The following HEMK1 variants were observed in gnomAD, a reference collection of about 807,000 sequenced individuals.
HEMK1 encodes HemK methyltransferase 1, mitochondrial release factors N(5)-glutamine.
A neutral mutation model predicts 47.9 loss-of-function variants in HEMK1; 36 were observed. The observed-to-expected ratio is 0.75, with a 90% CI of 0.58 to 0.99. The LOEUF is 0.99. Among genes scored for constraint, HEMK1 ranks in the 50% least tolerant of loss-of-function variants. The pLI, the probability that HEMK1 is intolerant of heterozygous loss-of-function variation, is 0.00. For missense variants in HEMK1, 383 were observed against 434.5 expected (o/e 0.88, Z 1.05); for synonymous variants, 153 against 165.4 (o/e 0.93, Z 0.57).
chr3:50,580,161 C>T lies in HEMK1; in HGVS notation c.912C>T (p.Ser304=), dbSNP rs2030571545. The T allele has an allele frequency of 6.2e-7, 1 of 1,614,158 alleles. No homozygotes were observed. The highest frequency in any genetic ancestry group is 1.3e-5 in the African/African-American group (1 of 75,046). ...EVDPRHPELV[S]SWLQSRPDLY... Reference sequence around the variant, plus strand: ...ACCCAAGGCACCCGGAGCTTGTCAGCAGCTGGCTTCAGAGCCGGCCTGACC... The same window carrying T: ...ACCCAAGGCACCCGGAGCTTGTCAGTAGCTGGCTTCAGAGCCGGCCTGACC... Residue 304 remains serine (S), a synonymous_variant, in exon 10 of 11, where the codon AGC becomes AGT. Coordinates refer to ENST00000232854, the MANE Select transcript of HEMK1 (RefSeq NM_016173.5).
At chr3:50,571,463 C>T (rs940691464) in intron 2 of HEMK1, 131 bp downstream of exon 2, 15 of 712,508 alleles carry the variant, frequency 2.1e-5, no homozygotes, top group African/African-American at 1.4e-4. Flanking sequence ...AACGTCTTAG[C>T]GCCTGGCACA....
At position 50,580,718 on chromosome 3, in the gene HEMK1, C is replaced by T; in HGVS notation, c.*301C>T. ...TGTCCATGACTTGCAGGTCCCCTGA[C>T]CCCCTTACTCCCAGGTAGCACTGGG... On this transcript the variant is annotated 3_prime_UTR_variant, in exon 11 of 11. Transcript: ENST00000232854. 1 of 457,336 alleles carries T rather than the reference C, an allele frequency of 2.2e-6. No individual in the cohort carries two copies. Among genetic ancestry groups the T allele is most frequent in the Non-Finnish European group, 3.9e-6 (1 of 253,350 alleles). 28.3% of individuals were successfully genotyped at this position (457,336 alleles called of 1,614,324 possible).
rs186356018 is a variant in HEMK1, at chr3:50,583,642, C to G, written c.*3225C>G. On this transcript the variant is annotated 3_prime_UTR_variant, in exon 11 of 11. Transcript: ENST00000232854. The stretch of plus-strand genomic sequence containing the variant: ...TCGATTCTTTTCTCTTTTTTTTCTT[C>G]ATTGGCTCCTTCTTAGTGGATTCTC... The G allele has an allele frequency of 5.3e-5, 8 of 152,282 alleles. No homozygotes were observed. In the East Asian group the frequency reaches 1.5e-3, roughly 29 times the overall value. The allele number at this position is 152,282 out of a possible 1,614,324, so 9.4% of individuals were successfully genotyped here. A position where few individuals can be genotyped will look rare whatever the true frequency, so the allele number is the denominator to read the frequency against.
intron 4 of HEMK1, among the ~76,000 whole-genome samples, chr3:50,576,698 C>T (rs138603941): frequency 2.6e-5 from 4 of 152,218 alleles, no homozygotes; most frequent in African/African-American, 7.2e-5. Flanking sequence ...CATGAGCCAC[C>T]GTGCCCAGCC....
At chr3:50,569,922 CCTGCTTGAACTGGGTTCAAG>C (rs1158851074) in intron 1 of HEMK1, 1 of 152,132 alleles carries the variant, frequency 6.6e-6, no homozygotes, top group Admixed American at 6.5e-5. Flanking sequence ...GCAACTTCCG[CCTGCTTGAACTGGGTTCAAG>C]CAGTTCTCCT....
intron 4 of HEMK1, among the ~76,000 whole-genome samples, chr3:50,575,693 A>G (rs1459003729): frequency 6.6e-6 from 1 of 152,136 alleles, no homozygotes. Flanking sequence ...GCTGCCCACC[A>G]TCCCCAGCTC....
chr3:50,581,551 A>G lies in HEMK1; in HGVS notation c.*1134A>G, dbSNP rs2030810754. ...GGGACCTTGGGCAACTCCTTTCCCT[A>G]TGAGAAGCTGGCTCTTCTGAGTCCA... On this transcript the variant is annotated 3_prime_UTR_variant, in exon 11 of 11. Coordinates refer to ENST00000232854, the MANE Select transcript of HEMK1 (RefSeq NM_016173.5). The G allele has an allele frequency of 6.6e-6, 1 of 152,400 alleles. No individual in the cohort carries two copies. Among genetic ancestry groups the G allele is most frequent in the East Asian group, 1.9e-4 (1 of 5,188 alleles). 9.4% of individuals were successfully genotyped at this position (152,400 alleles called of 1,614,324 possible).
intron 7 of HEMK1, among the ~76,000 whole-genome samples, 175 bp downstream of exon 7, chr3:50,578,050 G>A (rs2030024313): frequency 6.6e-6 from 1 of 152,140 alleles, no homozygotes; most frequent in Admixed American, 6.5e-5. Flanking sequence ...ACGAAGCCTT[G>A]GCTGAGGACA....
chr3:50,576,398 G>A (rs1188052999), intron 4 of HEMK1, among the ~76,000 whole-genome samples: 3 of 152,166 alleles, frequency 2.0e-5, no homozygotes, highest in Non-Finnish European at 4.4e-5. Context: ...ATCAGGTATG[G>A]TTCTTAGCTT....
At position 50,580,561 on chromosome 3, in the gene HEMK1, G is replaced by T. The variant is rs2030666649; in HGVS notation, c.*144G>T. On this transcript the variant is annotated 3_prime_UTR_variant, in exon 11 of 11. Transcript: ENST00000232854. ...CTCTGCATTTCTAGGATATTTCTAG[G>T]ACACCTGGATTGGCTCCATCACATC... The T allele has an allele frequency of 2.4e-6, 2 of 846,752 alleles. No homozygotes were observed. The allele number at this position is 846,752 out of a possible 1,614,324, so 52.5% of individuals were successfully genotyped here.
At chr3:50,569,852 T>C (rs1406774044) in intron 1 of HEMK1, 1 of 152,128 alleles carries the variant, frequency 6.6e-6, no homozygotes, top group Non-Finnish European at 1.5e-5. Context: ...TTCTTTTTTT[T>C]GAGACGGAGT....
At chr3:50,572,318 C>A in intron 4 of HEMK1, 110 bp downstream of exon 4, 1 of 1,106,168 alleles carries the variant, frequency 9.0e-7, no homozygotes, top group Non-Finnish European at 1.3e-6. Context: ...ACTTCAGGGA[C>A]AGTGCCTTTC....
intron 4 of HEMK1, among the ~76,000 whole-genome samples, chr3:50,576,633 C>T (rs887190919): frequency 1.3e-5 from 2 of 152,218 alleles, no homozygotes; most frequent in African/African-American, 4.8e-5. Flanking sequence ...TGGTCTCAAA[C>T]TCCAAACTCA....
intron 8 of HEMK1, 30 bp from the exon 9 acceptor site, chr3:50,579,814 G>A: frequency 6.5e-7 from 1 of 1,542,070 alleles, no homozygotes; most frequent in South Asian, 1.1e-5. Context: ...CCTTTCTCAG[G>A]CTGTCACCTC....
rs1701047409 is a variant in HEMK1, at chr3:50,572,106, C to G, written c.321-9C>G. On this transcript the variant is annotated splice_polypyrimidine_tract_variant and intron_variant, in intron 3 of 10. Transcript: ENST00000232854. ...GTCCCTGATGACCACCCAGCTGCCC[C>G]CTCTGCAGGATGCCGGTGCAGTACA... 6.2e-7 allele frequency: 1 copy of G among 1,613,846 alleles called. No individual in the cohort carries two copies. Among genetic ancestry groups the G allele is most frequent in the South Asian group, 1.1e-5 (1 of 91,048 alleles).
rs1276624820 is a variant in HEMK1 at position 50,579,854 on chromosome 3, C to A, written c.781C>A (p.Pro261Thr). The A allele has an allele frequency of 1.9e-5, 31 of 1,613,212 alleles. No individual in the cohort carries two copies. Among genetic ancestry groups the A allele is most frequent in the East Asian group, 4.5e-5 (2 of 44,876 alleles). The change falls in exon 9 of 11, where the codon CCC (proline) becomes ACC (threonine). Residue 261 changes from proline to threonine, a missense_variant. Coordinates refer to ENST00000232854, the MANE Select transcript of HEMK1 (RefSeq NM_016173.5). ...TGCTTTGCCTTTCAGCTATGAAGAC[C>A]CCGCGGCCCTGGATGGTGGGGAGGA... ...LAPEIRSYED[P>T]AALDGGEEGM...
rs1404949574 is a variant in HEMK1 at position 50,585,012 on chromosome 3, T to A, written c.*4595T>A. ...CTAAACTGCCCAGGCCCCCCCTTTT[T>A]TTACTCATATTTGGAGAGAGGTGGC... On this transcript the variant is annotated 3_prime_UTR_variant, in exon 11 of 11. Transcript: ENST00000232854. The A allele has an allele frequency of 6.6e-6, 1 of 152,176 alleles. No homozygotes were observed. The highest frequency in any genetic ancestry group is 2.4e-5 in the African/African-American group (1 of 41,426). 9.4% of individuals were successfully genotyped at this position (152,176 alleles called of 1,614,324 possible).
Position 50,590,895 on chromosome 3 carries a change from A to C in HEMK1, c.*10478A>C, listed in dbSNP as rs886285667. ...GGACCCTGTGCCCCTGAAAGCCCAG[A>C]GTTTCACTGTTTCTGGGTACCTTCA... On this transcript the variant is annotated 3_prime_UTR_variant, in exon 11 of 11. Transcript: ENST00000232854. 6.6e-6 allele frequency: 1 copy of C among 152,226 alleles called. No individual in the cohort carries two copies. The highest frequency in any genetic ancestry group is 1.5e-5 in the Non-Finnish European group (1 of 68,048). The allele number at this position is 152,226 out of a possible 1,614,324, so 9.4% of individuals were successfully genotyped here.
Position 50,580,851 on chromosome 3 carries a change from G to T in HEMK1, c.*434G>T. 3 of 223,166 alleles carry T rather than the reference G, an allele frequency of 1.3e-5. No homozygotes were observed. The highest frequency in any genetic ancestry group is 2.7e-5 in the Non-Finnish European group (3 of 111,614). The allele number at this position is 223,166 out of a possible 1,614,324, so 13.8% of individuals were successfully genotyped here. On this transcript the variant is annotated 3_prime_UTR_variant, in exon 11 of 11. Coordinates refer to ENST00000232854, the MANE Select transcript of HEMK1 (RefSeq NM_016173.5). The stretch of plus-strand genomic sequence containing the variant: ...CACGTGAGTCCTCACTCCTGGCCTT[G>T]GATACCATGGGTCCTGGCATAGAGC...
Sources: gnomAD v4.1 joint callset for allele counts (sites outside exome capture counted in the v4.1 genomes callset) on GRCh38, gnomAD v4.1.1 for gene constraint, MANE v1.5 for transcripts, NCBI Gene and HGNC (gene_info 2026-07-23, HGNC 2026-07-21) for gene names.